Variants in ABCD2 observed in about 807,000 individuals in gnomAD.
ABCD2 encodes ATP binding cassette subfamily D member 2.
Under a neutral mutation model 70.9 loss-of-function variants are expected in ABCD2, and 36 were observed. The ratio of observed to expected loss-of-function variants is 0.51; its 90% CI spans 0.39 to 0.67. The LOEUF (loss-of-function observed/expected upper bound fraction) is 0.67. Ranked by LOEUF, ABCD2 falls within the 30% of genes least tolerant of loss-of-function variation. ABCD2 has a pLI of 0.00. For synonymous variants in ABCD2, 304 were observed against 306.9 expected (o/e 0.99, Z 0.10); for missense variants, 729 against 890.2 (o/e 0.82, Z 2.30).
downstream of ABCD2, among the ~76,000 whole-genome samples, chr12:39,545,572 G>A (rs1000668704): frequency 2.0e-5 from 3 of 152,140 alleles, no homozygotes; most frequent in East Asian, 1.9e-4. Flanking sequence ...CACTCAAGCC[G>A]ATACCTAAGG....
rs969954797 is a variant in ABCD2, at chr12:39,554,214, C to T, written c.2004-83G>A. 5.4e-5 allele frequency: 72 copies of T among 1,340,172 alleles called. No individual in the cohort carries two copies. In the South Asian group the frequency reaches 1.0e-3, roughly 19 times the overall value. The allele number at this position is 1,340,172 out of a possible 1,614,324, so 83.0% of individuals were successfully genotyped here. ...TGTAGGTTTATCATTCAAATTGATA[C>T]CCAAAGGCAAATTTTAAGTAGGTGC... On this transcript the variant is annotated intron_variant, in intron 9 of 9. Coordinates refer to ENST00000308666, the MANE Select transcript of ABCD2 (RefSeq NM_005164.4).
chr12:39,597,234 T>C (rs116488897), intron 6 of ABCD2, among the ~76,000 whole-genome samples: 3 of 152,158 alleles, frequency 2.0e-5, no homozygotes, highest in Non-Finnish European at 2.9e-5. Flanking sequence ...TGTCCCTTCC[T>C]CTGTTGCTTC....
At position 39,582,389 on chromosome 12, in the gene ABCD2, A is replaced by G. The variant is rs148931423; in HGVS notation, c.1793-2770T>C. Among the ~76,000 whole-genome samples, 52 of 152,352 alleles carry G rather than the reference A, an allele frequency of 3.4e-4. No homozygotes were observed. In the East Asian group the frequency reaches 8.1e-3, roughly 24 times the overall value. On this transcript the variant is annotated intron_variant, in intron 7 of 9. Transcript: ENST00000308666. ...CCTACATCATTGGACTATTATGGAT[A>G]TTAAATAATGATATATGTAAATTCC...
At chr12:39,557,502 T>G (rs1476001082) in intron 9 of ABCD2, among the ~76,000 whole-genome samples, 2 of 152,078 alleles carry the variant, frequency 1.3e-5, no homozygotes, top group Non-Finnish European at 2.9e-5. Context: ...TTGGGAGAAA[T>G]TCAAGCCAGC....
At chr12:39,565,193 G>A (rs1454135063) in intron 9 of ABCD2, among the ~76,000 whole-genome samples, 1 of 152,068 alleles carries the variant, frequency 6.6e-6, no homozygotes, top group African/African-American at 2.4e-5. Flanking sequence ...GATGGGGATG[G>A]CATTGAATCT....
At chr12:39,605,222 A>T (rs1379131254) in intron 3 of ABCD2, among the ~76,000 whole-genome samples, 3 of 152,096 alleles carry the variant, frequency 2.0e-5, no homozygotes, top group Non-Finnish European at 4.4e-5. Flanking sequence ...ACATGATGAA[A>T]TTCATTTCCA....
chr12:39,582,539 A>G (rs940060486), intron 7 of ABCD2, among the ~76,000 whole-genome samples: 1 of 152,186 alleles, frequency 6.6e-6, no homozygotes, highest in Non-Finnish European at 1.5e-5. Context: ...TGTTTATTCT[A>G]AATTTCTATT....
chr12:39,540,926 C>T, the ABCD2 span, among the ~76,000 whole-genome samples: 1 of 152,356 alleles, frequency 6.6e-6, no homozygotes, highest in African/African-American at 2.4e-5. Context: ...CACATGTTCT[C>T]AGGACCTCCT....
intron 9 of ABCD2, among the ~76,000 whole-genome samples, chr12:39,559,113 C>T (rs1363603062): frequency 6.6e-6 from 1 of 151,990 alleles, no homozygotes; most frequent in Non-Finnish European, 1.5e-5. Context: ...TGGCTCATGC[C>T]TGTAATCCCA....
chr12:39,575,144 A>G (rs12423205), intron 8 of ABCD2, among the ~76,000 whole-genome samples: 6,579 of 152,284 alleles, frequency 0.043, 187 homozygotes, highest in African/African-American at 0.08. Context: ...TGAAAGGTTG[A>G]GTAAAATTTT....
rs562907173 is a variant in ABCD2 at position 39,607,752 on chromosome 12, T to G, written c.1121-38A>C. 92 of 1,340,684 alleles carry G rather than the reference T, an allele frequency of 6.9e-5. No individual in the cohort carries two copies. The South Asian group carries it at 7.2e-4, about 11-fold the overall frequency. 83.0% of individuals were successfully genotyped at this position (1,340,684 alleles called of 1,614,324 possible). ...ACAAATTACAAAACTTGAGTTTTTT[T>G]TTTTTTTTTTTTTAGTAACTTAATG... On this transcript the variant is annotated intron_variant, in intron 2 of 9. Transcript: ENST00000308666.
intron 6 of ABCD2, among the ~76,000 whole-genome samples, chr12:39,600,320 C>G (rs1941879154): frequency 6.6e-6 from 1 of 152,108 alleles, no homozygotes; most frequent in Non-Finnish European, 1.5e-5. Flanking sequence ...TTCCTTGAGA[C>G]TAACATCTGC....
At chr12:39,539,236 G>A in the ABCD2 span, among the ~76,000 whole-genome samples, 1 of 152,106 alleles carries the variant, frequency 6.6e-6, no homozygotes, top group Non-Finnish European at 1.5e-5. Flanking sequence ...CAACACTTTC[G>A]ACACAGAATA....
rs1343993164 is a variant in ABCD2 at position 39,619,121 on chromosome 12, C to T, written c.495G>A (p.Arg165=). The change falls in exon 1 of 10, where the codon AGG becomes AGA. Residue 165 remains arginine, a synonymous_variant. Transcript: ENST00000308666. Reference sequence around the variant, plus strand: ...CCAAAGCCAATTTGCATTCCAGGTACCTTATTGCACTGTTGACGAAGGTAG... The same window carrying T: ...CCAAAGCCAATTTGCATTCCAGGTATCTTATTGCACTGTTGACGAAGGTAG... ...IPATFVNSAI[R]YLECKLALAF... The T allele has an allele frequency of 4.3e-6, 7 of 1,614,172 alleles. No individual in the cohort carries two copies. Among genetic ancestry groups the T allele is most frequent in the Non-Finnish European group, 5.9e-6 (7 of 1,180,036 alleles).
intron 9 of ABCD2, among the ~76,000 whole-genome samples, chr12:39,562,925 G>A (rs142160790): frequency 1.3e-5 from 2 of 152,200 alleles, no homozygotes; most frequent in African/African-American, 4.8e-5. Context: ...CAAAATACCA[G>A]CAAACTGAAT....
In ABCD2 at chr12:39,552,699, CTTAA is replaced by C. The variant is rs1466258591; in HGVS notation, c.*1209_*1212del. On this transcript the variant is annotated 3_prime_UTR_variant, in exon 10 of 10. Coordinates refer to ENST00000308666, the MANE Select transcript of ABCD2 (RefSeq NM_005164.4). ...AGAACAATGATCTTTGCACTTTGTA[CTTAA>C]TTTTCATTTCTTGTAAACAATAACC... 6.6e-6 allele frequency: 1 copy of C among 151,878 alleles called. No individual in the cohort carries two copies. The highest frequency in any genetic ancestry group is 2.4e-5 in the African/African-American group (1 of 41,388). 9.4% of individuals were successfully genotyped at this position (151,878 alleles called of 1,614,324 possible).
intron 6 of ABCD2, among the ~76,000 whole-genome samples, chr12:39,592,534 G>T (rs1941760499): frequency 6.6e-6 from 1 of 152,202 alleles, no homozygotes; most frequent in African/African-American, 2.4e-5. Flanking sequence ...ATAAAAGTTT[G>T]TTCAACAGTG....
chr12:39,562,062 G>C (rs1941267759), intron 9 of ABCD2, among the ~76,000 whole-genome samples: 1 of 151,658 alleles, frequency 6.6e-6, no homozygotes, highest in African/African-American at 2.4e-5. Flanking sequence ...CAAATACATA[G>C]AAATTAAACA....
chr12:39,612,264 A>G (rs1942055398), intron 2 of ABCD2, among the ~76,000 whole-genome samples: 1 of 152,198 alleles, frequency 6.6e-6, no homozygotes, highest in Admixed American at 6.5e-5. Flanking sequence ...ACACCAAAAG[A>G]TCTGGACAAA....
Sources: gnomAD v4.1 joint callset for allele counts (sites outside exome capture counted in the v4.1 genomes callset) on GRCh38, gnomAD v4.1.1 for gene constraint, MANE v1.5 for transcripts, NCBI Gene and HGNC (gene_info 2026-07-23, HGNC 2026-07-21) for gene names.